Variants in PKP2 observed in about 807,000 individuals in gnomAD.
PKP2 encodes plakophilin 2.
Under a neutral mutation model 83.4 loss-of-function variants are expected in PKP2, and 73 were observed. The observed-to-expected ratio is 0.88, with a 90% CI of 0.72 to 1.06. The LOEUF (loss-of-function observed/expected upper bound fraction) is 1.06. Ranked by LOEUF, PKP2 falls within the 50% of genes least tolerant of loss-of-function variation. The pLI is 0.00. For missense variants in PKP2, 966 were observed against 1,065.4 expected (o/e 0.91, Z 1.30); for synonymous variants, 409 against 430.4 (o/e 0.95, Z 0.62).
intron 1 of PKP2, chr12:32,893,824 G>C (rs1240845496): frequency 6.6e-6 from 1 of 150,972 alleles, no homozygotes; most frequent in Non-Finnish European, 1.5e-5. Context: ...TCTTTCTCCA[G>C]TCACCTCCCT....
At chr12:32,876,911 T>C (rs1956937972) in intron 3 of PKP2, among the ~76,000 whole-genome samples, 1 of 152,252 alleles carries the variant, frequency 6.6e-6, no homozygotes, top group African/African-American at 2.4e-5. Flanking sequence ...TGGTGAATTT[T>C]ACATCATAAA....
intron 4 of PKP2, among the ~76,000 whole-genome samples, chr12:32,852,733 G>C (rs1222869692): frequency 1.3e-5 from 2 of 152,150 alleles, no homozygotes; most frequent in Middle Eastern, 3.2e-3. Context: ...ACAGATGGGA[G>C]AGTGGCCACA....
intron 7 of PKP2, among the ~76,000 whole-genome samples, chr12:32,823,234 C>G (rs1956399906): frequency 6.6e-6 from 1 of 151,876 alleles, no homozygotes. Flanking sequence ...GCCAACATGG[C>G]AAAACCCTGT....
chr12:32,836,067 C>T (rs542886976), intron 6 of PKP2, among the ~76,000 whole-genome samples: 2 of 152,364 alleles, frequency 1.3e-5, no homozygotes, highest in South Asian at 4.1e-4. Flanking sequence ...GGCTCCAACA[C>T]ACTGGAGTGT....
intron 5 of PKP2, among the ~76,000 whole-genome samples, chr12:32,848,663 G>A (rs535507522): frequency 6.6e-6 from 1 of 152,082 alleles, no homozygotes; most frequent in South Asian, 2.1e-4. Context: ...AAAGGACGGG[G>A]GCAAGGGTTG....
chr12:32,812,112 GTTT>G (rs10581524), intron 9 of PKP2, among the ~76,000 whole-genome samples: 106 of 126,964 alleles, frequency 8.3e-4, no homozygotes, highest in South Asian at 1.0e-3. Flanking sequence ...AGCTGGGAGG[GTTT>G]TTTTTTTTTT....
At chr12:32,846,879 G>A (rs945859541) in intron 5 of PKP2, among the ~76,000 whole-genome samples, 2 of 152,010 alleles carry the variant, frequency 1.3e-5, no homozygotes, top group African/African-American at 2.4e-5. Context: ...CTCAAAAGTA[G>A]GTGGGGTGAC....
At chr12:32,804,332 T>C (rs1956205785) in intron 9 of PKP2, among the ~76,000 whole-genome samples, 1 of 152,168 alleles carries the variant, frequency 6.6e-6, no homozygotes, top group African/African-American at 2.4e-5. Flanking sequence ...CAGGGGTACA[T>C]GTGTAGGATG....
intron 5 of PKP2, among the ~76,000 whole-genome samples, chr12:32,844,856 TA>T (rs959315010): frequency 4.6e-5 from 7 of 152,138 alleles, no homozygotes; most frequent in Non-Finnish European, 1.0e-4. Flanking sequence ...ACTTATATTT[TA>T]AAAAAAGATT....
intron 1 of PKP2, among the ~76,000 whole-genome samples, chr12:32,887,222 G>C (rs1483831761): frequency 6.6e-6 from 1 of 152,152 alleles, no homozygotes; most frequent in Non-Finnish European, 1.5e-5. Flanking sequence ...ATATGCCAGG[G>C]ACAGAACAGC....
intron 6 of PKP2, among the ~76,000 whole-genome samples, chr12:32,828,473 T>A (rs946288420): frequency 6.6e-6 from 1 of 152,226 alleles, no homozygotes; most frequent in Non-Finnish European, 1.5e-5. Context: ...ATTTAGTGTT[T>A]GCACTAGACA....
chr12:32,853,702 G>T (rs1005991831), intron 4 of PKP2, among the ~76,000 whole-genome samples: 3 of 152,016 alleles, frequency 2.0e-5, no homozygotes, highest in Non-Finnish European at 4.4e-5. Flanking sequence ...GTGGAGATGG[G>T]GTTTTGCCAT....
intron 4 of PKP2, among the ~76,000 whole-genome samples, chr12:32,854,893 C>A (rs1324090599): frequency 1.3e-5 from 2 of 152,224 alleles, no homozygotes; most frequent in East Asian, 3.9e-4. Flanking sequence ...GACCTGGAGC[C>A]TTTGCTCTTG....
At chr12:32,859,369 G>A (rs998362513) in intron 4 of PKP2, among the ~76,000 whole-genome samples, 1 of 152,090 alleles carries the variant, frequency 6.6e-6, no homozygotes, top group Non-Finnish European at 1.5e-5. Flanking sequence ...GATTTATAAT[G>A]GGCATAGTTT....
chr12:32,832,109 G>A (rs1340639500), intron 6 of PKP2, among the ~76,000 whole-genome samples: 3 of 152,114 alleles, frequency 2.0e-5, no homozygotes, highest in East Asian at 1.9e-4. Flanking sequence ...CTGGCCAGGC[G>A]GGGTGGCTCC....
chr12:32,818,707 A>G (rs1479250597), intron 9 of PKP2, among the ~76,000 whole-genome samples: 2 of 152,170 alleles, frequency 1.3e-5, no homozygotes, highest in African/African-American at 4.8e-5. Flanking sequence ...TCTGTCTTTT[A>G]GGAACCTATT....
rs886691561 is a variant in PKP2 at position 32,858,084 on chromosome 12, A to T, written c.1171-7111T>A. ...CTCTACAAAAAAAAAAAAAAAAAAAAATATATATATATATATATATATATA... is the reference window on the plus strand; with the variant it reads ...CTCTACAAAAAAAAAAAAAAAAAAATATATATATATATATATATATATATA... On this transcript the variant is annotated intron_variant, in intron 4 of 12. Transcript: ENST00000340811. 6.6e-3 allele frequency among the ~76,000 whole-genome samples: 441 copies of T among 66,882 alleles called. 1 individual carries two copies. Among genetic ancestry groups the T allele is most frequent in the African/African-American group, 0.02 (249 of 12,366 alleles). 43.9% of individuals were successfully genotyped at this position (66,882 alleles called of 152,430 possible).
intron 6 of PKP2, among the ~76,000 whole-genome samples, chr12:32,831,173 C>G (rs1047992114): frequency 6.6e-6 from 1 of 152,094 alleles, no homozygotes; most frequent in Admixed American, 6.5e-5. Flanking sequence ...TTTGGAATGT[C>G]AGACCAGGAA....
intron 1 of PKP2, among the ~76,000 whole-genome samples, chr12:32,884,737 A>G (rs539668559): frequency 1.1e-4 from 17 of 152,156 alleles, no homozygotes; most frequent in Admixed American, 1.0e-3. Flanking sequence ...TATTCTAATA[A>G]CAGGGATAAA....
Sources: gnomAD v4.1 joint callset for allele counts (sites outside exome capture counted in the v4.1 genomes callset) on GRCh38, gnomAD v4.1.1 for gene constraint, MANE v1.5 for transcripts, NCBI Gene and HGNC (gene_info 2026-07-23, HGNC 2026-07-21) for gene names.